HIVEP2: variants seen among roughly 807,000 people sequenced by gnomAD.
HIVEP2 encodes transcription factor HIVEP2.
Under a neutral mutation model 180.7 loss-of-function variants are expected in HIVEP2, and 14 were observed. The ratio of observed to expected loss-of-function variants is 0.08; its 90% confidence interval spans 0.05 to 0.12. The LOEUF is 0.12. Among genes scored for constraint, HIVEP2 ranks in the 10% least tolerant of loss-of-function variants. The pLI is 1.00. For missense variants in HIVEP2, 2,579 were observed against 3,008.5 expected (o/e 0.86, Z 3.34); for synonymous variants, 1,184 against 1,136.4 (o/e 1.04, Z -0.84).
Position 142,844,304 on chromosome 6 carries a change from T to A in HIVEP2, c.-640-7257A>T, listed in dbSNP as rs571301391. Among the ~76,000 whole-genome samples the A allele has an allele frequency of 1.5e-3, 226 of 152,058 alleles. 1 individual carries two copies. The highest frequency in any genetic ancestry group is 3.3e-3 in the Admixed American group (51 of 15,288). ...ATTCAATCTCTAAACTTTTTTTTTT[T>A]AATGAAGAGAATTGCAGAGGGATGA... is the stretch of plus-strand genomic sequence containing the variant. On this transcript the variant is annotated intron_variant, in intron 1 of 9. Coordinates refer to ENST00000367603, the MANE Select transcript of HIVEP2 (RefSeq NM_006734.4).
At chr6:142,765,226 T>A (rs756729870) in intron 6 of HIVEP2, among the ~76,000 whole-genome samples, 52 of 152,204 alleles carry the variant, frequency 3.4e-4, no homozygotes, top group Non-Finnish European at 5.6e-4. Context: ...CTATTACATG[T>A]GAATTTATAG....
Position 142,774,514 on chromosome 6 carries a change from C to T in HIVEP2, c.225G>A (p.Val75=). 1 of 1,614,160 alleles carries T rather than the reference C, an allele frequency of 6.2e-7. No individual in the cohort carries two copies. Among genetic ancestry groups the T allele is most frequent in the Non-Finnish European group, 8.5e-7 (1 of 1,180,018 alleles). The change falls in exon 5 of 10, where the codon GTG becomes GTA. Residue 75 remains valine (V), a synonymous_variant. Coordinates refer to ENST00000367603, the MANE Select transcript of HIVEP2 (RefSeq NM_006734.4). The surrounding 1 kb of genome is among the most constrained non-coding windows in gnomAD (Gnocchi z 5.1). ...ATTGCTTCTCTGCGACTTGCTGCAC[C>T]ACTTCACTAGGGGAGGCCAGTTTCC... ...GSGKLASPSE[V]VQQVAEKQYP...
intron 2 of HIVEP2, among the ~76,000 whole-genome samples, chr6:142,812,035 G>A (rs1776712163): frequency 1.3e-5 from 2 of 152,188 alleles, no homozygotes; most frequent in African/African-American, 4.8e-5. Context: ...AGCTGGCCTG[G>A]AGAGAGTGTT....
At chr6:142,893,434 C>T (rs1037825668) in intron 1 of HIVEP2, among the ~76,000 whole-genome samples, 4 of 152,096 alleles carry the variant, frequency 2.6e-5, no homozygotes, top group East Asian at 1.9e-4. Flanking sequence ...AGAAAAATCA[C>T]GTAACAGCTA....
chr6:142,821,169 A>T (rs1777026431), intron 2 of HIVEP2, among the ~76,000 whole-genome samples: 1 of 152,136 alleles, frequency 6.6e-6, no homozygotes, highest in Admixed American at 6.5e-5. Context: ...CTGAATATAT[A>T]CAAGCAAGGG....
intron 1 of HIVEP2, among the ~76,000 whole-genome samples, chr6:142,942,556 CAA>C (rs2128441920): frequency 6.6e-6 from 1 of 152,210 alleles, no homozygotes; most frequent in South Asian, 2.1e-4. Context: ...TCAATGTAAT[CAA>C]AGAGAATTAT....
At chr6:142,928,840 A>G (rs972380991) in intron 1 of HIVEP2, among the ~76,000 whole-genome samples, 3 of 152,128 alleles carry the variant, frequency 2.0e-5, no homozygotes, top group Admixed American at 2.0e-4. Flanking sequence ...CCTAACTGCA[A>G]CCACTTCTTT....
chr6:142,763,196 T>C (rs993136358), intron 7 of HIVEP2, among the ~76,000 whole-genome samples: 3 of 152,202 alleles, frequency 2.0e-5, no homozygotes, highest in East Asian at 3.8e-4. Flanking sequence ...AATTCTACCA[T>C]GGCTTTAGTT....
chr6:142,797,331 A>T (rs1776302405), intron 2 of HIVEP2, among the ~76,000 whole-genome samples: 1 of 152,182 alleles, frequency 6.6e-6, no homozygotes, highest in African/African-American at 2.4e-5. Context: ...TTAGTTCTAA[A>T]TGATTTCACA....
intron 2 of HIVEP2, among the ~76,000 whole-genome samples, chr6:142,835,903 C>T (rs1775210231): frequency 6.6e-6 from 1 of 152,192 alleles, no homozygotes; most frequent in Non-Finnish European, 1.5e-5. Context: ...TAAAAAACCA[C>T]CTGACATCAT....
chr6:142,931,276 A>T (rs1436115469), intron 1 of HIVEP2, among the ~76,000 whole-genome samples: 1 of 151,770 alleles, frequency 6.6e-6, no homozygotes, highest in Non-Finnish European at 1.5e-5. Context: ...TAAGACTGCT[A>T]TCTATATAGT....
At position 142,753,945 on chromosome 6, in the gene HIVEP2, C is replaced by T. The variant is rs1278972106; in HGVS notation, c.6517-14G>A. ...TCTTCTTAAATTCTGCGCAGAGAAA[C>T]AAAGAGAGCACAAAATTCAGAGCCT... On this transcript the variant is annotated splice_polypyrimidine_tract_variant and intron_variant, in intron 9 of 9. Transcript: ENST00000367603. 1 of 1,412,278 alleles carries T rather than the reference C, an allele frequency of 7.1e-7. No homozygotes were observed. Among genetic ancestry groups the T allele is most frequent in the Admixed American group, 2.0e-5 (1 of 50,958 alleles). 87.5% of individuals were successfully genotyped at this position (1,412,278 alleles called of 1,614,324 possible). A position where few individuals can be genotyped will look rare whatever the true frequency, so the allele number is the denominator to read the frequency against.
chr6:142,821,271 T>TA (rs554826339), intron 2 of HIVEP2, among the ~76,000 whole-genome samples: 163 of 143,994 alleles, frequency 1.1e-3, no homozygotes, highest in African/African-American at 2.6e-3. Flanking sequence ...GGACTACATT[T>TA]AAAAAAAAAA....
At chr6:142,898,539 G>T (rs1777056298) in intron 1 of HIVEP2, among the ~76,000 whole-genome samples, 1 of 152,068 alleles carries the variant, frequency 6.6e-6, no homozygotes, top group African/African-American at 2.4e-5. Context: ...GTGCACGCCT[G>T]TCATCCCAGC....
At chr6:142,925,521 A>C (rs1202145165) in intron 1 of HIVEP2, among the ~76,000 whole-genome samples, 1 of 152,208 alleles carries the variant, frequency 6.6e-6, no homozygotes, top group African/African-American at 2.4e-5. Context: ...TCAAGGAAAA[A>C]GGGAAAAGCT....
rs71546219 is a variant in HIVEP2, at chr6:142,793,673, T to TTCTC, written c.-527-10062_-527-10059dup. ...CTTTCTTTCTTTTTTCTTTCTTTCT[T>TTCTC]TCTCTCTCTCTCTCTCTCTCTCTCT... On this transcript the variant is annotated intron_variant, in intron 2 of 9. Coordinates refer to ENST00000367603, the MANE Select transcript of HIVEP2 (RefSeq NM_006734.4). Among the ~76,000 whole-genome samples, 715 of 107,372 alleles carry TTCTC rather than the reference T, an allele frequency of 6.7e-3. 12 individuals carry two copies. The highest frequency in any genetic ancestry group is 0.023 in the African/African-American group (627 of 27,008). 70.4% of individuals were successfully genotyped at this position (107,372 alleles called of 152,430 possible). A position where few individuals can be genotyped will look rare whatever the true frequency, so the allele number is the denominator to read the frequency against.
chr6:142,903,210 T>C (rs1777175270), intron 1 of HIVEP2, among the ~76,000 whole-genome samples: 1 of 152,234 alleles, frequency 6.6e-6, no homozygotes, highest in Admixed American at 6.5e-5. Context: ...AACAATTATG[T>C]GAAAATAAAA....
At chr6:142,903,571 T>G (rs964275795) in intron 1 of HIVEP2, among the ~76,000 whole-genome samples, 4 of 152,244 alleles carry the variant, frequency 2.6e-5, no homozygotes, top group African/African-American at 4.8e-5. Flanking sequence ...TATGCATTCC[T>G]GCTCGACCCC....
chr6:142,910,306 A>G (rs1777369736), intron 1 of HIVEP2, among the ~76,000 whole-genome samples: 2 of 152,218 alleles, frequency 1.3e-5, no homozygotes, highest in Non-Finnish European at 2.9e-5. Flanking sequence ...ATTCTCTTCT[A>G]AAATAAACAA....
Sources: gnomAD v4.1 joint callset for allele counts (sites outside exome capture counted in the v4.1 genomes callset) on GRCh38, gnomAD v4.1.1 for gene constraint, Gnocchi (gnomAD v3.1) non-coding constraint, MANE v1.5 for transcripts, NCBI Gene and HGNC (gene_info 2026-07-23, HGNC 2026-07-21) for gene names.